EVA1C: variants seen among roughly 807,000 people sequenced by gnomAD.
EVA1C encodes the protein eva-1 homolog C.
EVA1C carries 25 observed loss-of-function variants against 45.4 expected under a neutral mutation model. That is an observed-to-expected ratio of 0.55 (90% CI 0.40 to 0.77). EVA1C has a LOEUF of 0.77. Ranked by LOEUF, EVA1C falls within the 30% of genes least tolerant of loss-of-function variation. The pLI is 0.00. For synonymous variants in EVA1C, 190 were observed against 221.2 expected, an observed-to-expected ratio of 0.86 and a Z score of 1.25; for missense variants, 479 against 554.8, an observed-to-expected ratio of 0.86 and a Z score of 1.37.
At chr21:32,419,509 GT>G (rs1205640834) in intron 1 of EVA1C, among the ~76,000 whole-genome samples, 1 of 152,212 alleles carries the variant, frequency 6.6e-6, no homozygotes, top group East Asian at 1.9e-4. Flanking sequence ...GAGGTCAGGA[GT>G]TTGAGACCAG....
intron 1 of EVA1C, among the ~76,000 whole-genome samples, chr21:32,413,624 T>G (rs1241240224): frequency 6.6e-6 from 1 of 152,158 alleles, no homozygotes; most frequent in Non-Finnish European, 1.5e-5. Flanking sequence ...GACTTCCTAC[T>G]CTCGAATAAA....
chr21:32,476,794 G>A (rs368562503), intron 4 of EVA1C, among the ~76,000 whole-genome samples: 26 of 152,138 alleles, frequency 1.7e-4, no homozygotes, highest in Non-Finnish European at 2.5e-4. Flanking sequence ...CCCGTATCCT[G>A]CACCGCAGTG....
chr21:32,444,391 G>C (rs758650596), intron 1 of EVA1C, among the ~76,000 whole-genome samples: 10 of 152,040 alleles, frequency 6.6e-5, no homozygotes, highest in Non-Finnish European at 1.3e-4. Flanking sequence ...CCCCCTCCTT[G>C]GGTTCCATCA....
intron 1 of EVA1C, among the ~76,000 whole-genome samples, chr21:32,437,104 G>A (rs1323112118): frequency 6.6e-6 from 1 of 152,212 alleles, no homozygotes; most frequent in Non-Finnish European, 1.5e-5. Flanking sequence ...AGGTCGCAGT[G>A]AGCCGAGATG....
rs1760290719 is a variant in EVA1C, at chr21:32,515,134, T to C, written c.1270T>C (p.Trp424Arg). The C allele has an allele frequency of 6.2e-7, 1 of 1,613,434 alleles. No individual in the cohort carries two copies. Among genetic ancestry groups the C allele is most frequent in the Admixed American group, 1.7e-5 (1 of 59,978 alleles). Residue 424 changes from tryptophan to arginine, a missense_variant, in exon 8 of 8, where the codon TGG becomes CGG. Trp to Arg is a moderately radical substitution (Grantham distance 101). Transcript: ENST00000300255. ...CAGGGAGCAAATCATTCAGGAAATATGGATGAACAGTGGTTTGGACACCTC... is the reference window on the plus strand; with the variant it reads ...CAGGGAGCAAATCATTCAGGAAATACGGATGAACAGTGGTTTGGACACCTC... ...ERREQIIQEI[W>R]MNSGLDTSLP...
intron 6 of EVA1C, among the ~76,000 whole-genome samples, chr21:32,501,989 T>C (rs1401168054): frequency 6.2e-4 from 1 of 1,610 alleles, no homozygotes; most frequent in African/African-American, 1.5e-3. Context: ...CGCTCTTTTC[T>C]TTCTTTCTTT....
chr21:32,488,861 T>C (rs542778094), intron 4 of EVA1C, among the ~76,000 whole-genome samples: 3,037 of 6,964 alleles, frequency 0.44, 40 homozygotes, highest in Non-Finnish European at 0.44. Flanking sequence ...GCTGGGATTA[T>C]AGGCGTGAGC....
intron 1 of EVA1C, among the ~76,000 whole-genome samples, chr21:32,431,270 T>G (rs2034692851): frequency 6.6e-6 from 1 of 152,220 alleles, no homozygotes; most frequent in Non-Finnish European, 1.5e-5. Context: ...TCTCCCATCT[T>G]ATTAGTGGAA....
At chr21:32,459,038 C>T (rs1212016354) in intron 3 of EVA1C, among the ~76,000 whole-genome samples, 1 of 152,102 alleles carries the variant, frequency 6.6e-6, no homozygotes, top group African/African-American at 2.4e-5. Flanking sequence ...TACGTCAAAG[C>T]TGCCCTGTGT....
intron 1 of EVA1C, among the ~76,000 whole-genome samples, chr21:32,437,846 G>A (rs764431829): frequency 6.6e-6 from 1 of 152,152 alleles, no homozygotes; most frequent in Non-Finnish European, 1.5e-5. Context: ...GGCCATAGTG[G>A]GTCTTCTTGG....
intron 1 of EVA1C, among the ~76,000 whole-genome samples, chr21:32,424,862 TTGA>T (rs2034427261): frequency 6.6e-6 from 1 of 152,152 alleles, no homozygotes; most frequent in Admixed American, 6.5e-5. Context: ...ATGATGATGA[TTGA>T]TGATGATTTC....
At chr21:32,422,044 C>CA (rs57794940) in intron 1 of EVA1C, among the ~76,000 whole-genome samples, 1,675 of 92,120 alleles carry the variant, frequency 0.018, 38 homozygotes, top group South Asian at 0.032. Flanking sequence ...GACCCTGTCT[C>CA]AAAAAAAAAA....
intron 5 of EVA1C, chr21:32,496,748 T>C: frequency 1.6e-6 from 1 of 636,140 alleles, no homozygotes; most frequent in South Asian, 1.8e-5. Flanking sequence ...AGGTGTAGTT[T>C]TGGCCGGGGA....
At position 32,434,596 on chromosome 21, in the gene EVA1C, AT is replaced by A. The variant is rs1216486062; in HGVS notation, c.161-18715del. 4.6e-3 allele frequency among the ~76,000 whole-genome samples: 151 copies of A among 33,178 alleles called. No individual in the cohort carries two copies. The African/African-American group carries it at 0.13, about 30-fold the overall frequency. The allele number at this position is 33,178 out of a possible 152,430, so 21.8% of individuals were successfully genotyped here. On this transcript the variant is annotated intron_variant, in intron 1 of 7. Transcript: ENST00000300255. Reference sequence around the variant, plus strand: ...ACAGAGCGAGACTCCGTCTCAAAAAATAAATAAATAAATAAATAAATAAATA... The same window carrying A: ...ACAGAGCGAGACTCCGTCTCAAAAAAAAATAAATAAATAAATAAATAAATA...
chr21:32,415,059 A>G (rs2033981615), intron 1 of EVA1C, among the ~76,000 whole-genome samples: 1 of 152,162 alleles, frequency 6.6e-6, no homozygotes, highest in Non-Finnish European at 1.5e-5. Flanking sequence ...GCAAATTCCT[A>G]AGCTCCAAAG....
chr21:32,513,800 C>A (rs912271242), intron 7 of EVA1C, among the ~76,000 whole-genome samples: 1 of 151,806 alleles, frequency 6.6e-6, no homozygotes, highest in African/African-American at 2.4e-5. Context: ...CTTGGCCTCC[C>A]GAAGTGTTGG....
intron 4 of EVA1C, among the ~76,000 whole-genome samples, chr21:32,484,576 C>T (rs984693156): frequency 6.6e-6 from 1 of 152,132 alleles, no homozygotes; most frequent in African/African-American, 2.4e-5. Flanking sequence ...GGGGCGGACA[C>T]TGTGCTAACT....
Position 32,477,086 on chromosome 21 carries a change from A to T in EVA1C, c.634+9238A>T, listed in dbSNP as rs530700399. Among the ~76,000 whole-genome samples the T allele has an allele frequency of 1.6e-4, 24 of 152,240 alleles. 1 individual carries two copies. In the South Asian group the frequency reaches 2.3e-3, roughly 14 times the overall value. On this transcript the variant is annotated intron_variant, in intron 4 of 7. Coordinates refer to ENST00000300255, the MANE Select transcript of EVA1C (RefSeq NM_058187.5). ...AAGGGGGTAAAGAGAGATGCCACTG[A>T]ATGCTGGCATCAATGGCCTGGGGAC...
At position 32,505,084 on chromosome 21, in the gene EVA1C, A is replaced by ACCTCCCACCATGTC. The variant is rs1200657337; in HGVS notation, c.949+1077_949+1090dup. 2.0e-5 allele frequency among the ~76,000 whole-genome samples: 3 copies of ACCTCCCACCATGTC among 151,998 alleles called. No homozygotes were observed. In the South Asian group the frequency reaches 6.2e-4, roughly 32 times the overall value. On this transcript the variant is annotated intron_variant, in intron 7 of 7. Transcript: ENST00000300255. ...GAAAGACCCACCCCATGATTCAATTACCTCCCACCATGTCCCTCCCATGAC... is the reference window on the plus strand; with the variant it reads ...GAAAGACCCACCCCATGATTCAATTACCTCCCACCATGTCCCTCCCACCATGTCCCTCCCATGAC...
Sources: gnomAD v4.1 joint callset for allele counts (sites outside exome capture counted in the v4.1 genomes callset) on GRCh38, gnomAD v4.1.1 for gene constraint, MANE v1.5 for transcripts, NCBI Gene and HGNC (gene_info 2026-07-23, HGNC 2026-07-21) for gene names.